Variants in SHISA9 observed in about 807,000 individuals in gnomAD.
The protein encoded by SHISA9 is shisa family member 9, also known as protein shisa-9.
SHISA9 carries 13 observed loss-of-function variants against 38.0 expected under a neutral mutation model. The ratio of observed to expected loss-of-function variants is 0.34; its 90% CI spans 0.22 to 0.54. The LOEUF (loss-of-function observed/expected upper bound fraction) is 0.54, where lower values mean the gene tolerates loss of function less well. Ranked by LOEUF, SHISA9 falls within the 20% of genes least tolerant of loss-of-function variation. SHISA9 has a pLI of 0.91. For synonymous variants in SHISA9, 275 were observed against 242.0 expected, an observed-to-expected ratio of 1.14 and a Z score of -1.27; for missense variants, 538 against 575.8, an observed-to-expected ratio of 0.93 and a Z score of 0.67.
At chr16:13,408,491 A>G in the SHISA9 span, among the ~76,000 whole-genome samples, 1 of 152,206 alleles carries the variant, frequency 6.6e-6, no homozygotes, top group African/African-American at 2.4e-5. Flanking sequence ...ATTTCTATAG[A>G]GAGAATAAAA....
chr16:13,529,263 G>T, the SHISA9 span, among the ~76,000 whole-genome samples: 1 of 152,160 alleles, frequency 6.6e-6, no homozygotes, highest in Non-Finnish European at 1.5e-5. Flanking sequence ...CACCCCAAAA[G>T]GTCAATCTGG....
At chr16:13,369,412 C>G in the SHISA9 span, among the ~76,000 whole-genome samples, 1 of 152,064 alleles carries the variant, frequency 6.6e-6, no homozygotes, top group African/African-American at 2.4e-5. Context: ...TTTGTCTGTT[C>G]ATAACATTTT....
the SHISA9 span, among the ~76,000 whole-genome samples, chr16:13,430,456 C>A: frequency 9.9e-5 from 15 of 152,194 alleles, no homozygotes; most frequent in Non-Finnish European, 1.5e-4. Flanking sequence ...ATAGGACACT[C>A]CACTGTAACA....
At chr16:13,166,591 T>A (rs1325947171) in intron 2 of SHISA9, among the ~76,000 whole-genome samples, 2 of 152,210 alleles carry the variant, frequency 1.3e-5, no homozygotes, top group East Asian at 1.9e-4. Flanking sequence ...ATCTACTGTG[T>A]TATCATTCTC....
chr16:13,248,786 A>G, the SHISA9 span, among the ~76,000 whole-genome samples: 1 of 152,140 alleles, frequency 6.6e-6, no homozygotes, highest in Non-Finnish European at 1.5e-5. Context: ...TGAGATAGGA[A>G]TTCATATGCA....
At chr16:13,033,924 T>C (rs1457386029) in intron 2 of SHISA9, among the ~76,000 whole-genome samples, 1 of 152,154 alleles carries the variant, frequency 6.6e-6, no homozygotes, top group African/African-American at 2.4e-5. Flanking sequence ...GGTGGGTGGA[T>C]CACCTGAGGC....
the SHISA9 span, among the ~76,000 whole-genome samples, chr16:13,424,309 G>A: frequency 2.0e-5 from 3 of 152,366 alleles, no homozygotes; most frequent in South Asian, 6.2e-4. Flanking sequence ...GCTCCTGAAT[G>A]TAATGACCTT....
At chr16:13,465,202 A>G in the SHISA9 span, among the ~76,000 whole-genome samples, 1 of 152,206 alleles carries the variant, frequency 6.6e-6, no homozygotes, top group African/African-American at 2.4e-5. Flanking sequence ...TCTACTTGTT[A>G]GATGCCAGCA....
chr16:13,371,684 C>T, the SHISA9 span, among the ~76,000 whole-genome samples: 1 of 152,248 alleles, frequency 6.6e-6, no homozygotes, highest in Admixed American at 6.5e-5. Flanking sequence ...CACCTGACAT[C>T]TGAATACTTA....
At chr16:13,473,412 G>A in the SHISA9 span, among the ~76,000 whole-genome samples, 26 of 117,662 alleles carry the variant, frequency 2.2e-4, no homozygotes, top group South Asian at 2.8e-3. Flanking sequence ...CCTAGTCCCT[G>A]TTAATCCATG....
chr16:13,097,306 C>A (rs1205981726), intron 2 of SHISA9, among the ~76,000 whole-genome samples: 1 of 152,140 alleles, frequency 6.6e-6, no homozygotes, highest in Non-Finnish European at 1.5e-5. Context: ...ACCCAGGACC[C>A]TTGACCCTTG....
chr16:13,147,304 C>T (rs2819698), intron 2 of SHISA9, among the ~76,000 whole-genome samples: 18,573 of 151,812 alleles, frequency 0.12, 1,334 homozygotes, highest in Non-Finnish European at 0.16. Flanking sequence ...GTGACTGGAG[C>T]GGGAAAGAGT....
chr16:13,098,423 A>G (rs2073847857), intron 2 of SHISA9, among the ~76,000 whole-genome samples: 1 of 152,272 alleles, frequency 6.6e-6, no homozygotes, highest in East Asian at 1.9e-4. Flanking sequence ...CCATATACCC[A>G]TTAAGATCCC....
chr16:13,054,961 T>C (rs1165528618), intron 2 of SHISA9, among the ~76,000 whole-genome samples: 1 of 152,222 alleles, frequency 6.6e-6, no homozygotes. Context: ...CTTATATGGC[T>C]CTTTCTTAGG....
chr16:13,240,836 C>T (rs2051429719), downstream of SHISA9, among the ~76,000 whole-genome samples: 1 of 152,034 alleles, frequency 6.6e-6, no homozygotes, highest in South Asian at 2.1e-4. Context: ...TCCTGTCTGG[C>T]CTCTGGTAGC....
chr16:13,062,085 C>T (rs2141911838), intron 2 of SHISA9, among the ~76,000 whole-genome samples: 1 of 152,228 alleles, frequency 6.6e-6, no homozygotes, highest in East Asian at 1.9e-4. Context: ...GCAGCTTGGG[C>T]TGCCAAATAA....
In SHISA9 at chr16:13,006,911, T is replaced by G. The variant is rs2072605140; in HGVS notation, c.691+90096T>G. Among the ~76,000 whole-genome samples the G allele has an allele frequency of 2.0e-5, 3 of 152,308 alleles. No individual in the cohort carries two copies. The South Asian group carries it at 6.2e-4, about 32-fold the overall frequency. ...ACCTCTCTGACCATTCAGCTCAGGC[T>G]ACTTCTCTCCAGCCTGTTTCTAACT... On this transcript the variant is annotated intron_variant, in intron 2 of 4. Coordinates refer to ENST00000558583, the MANE Select transcript of SHISA9 (RefSeq NM_001145204.3).
chr16:13,417,067 C>T, the SHISA9 span, among the ~76,000 whole-genome samples: 1 of 152,200 alleles, frequency 6.6e-6, no homozygotes, highest in African/African-American at 2.4e-5. Flanking sequence ...CAGAAAATCA[C>T]AAGGGCTATA....
the SHISA9 span, among the ~76,000 whole-genome samples, chr16:13,407,599 C>T: frequency 6.6e-6 from 1 of 152,194 alleles, no homozygotes; most frequent in East Asian, 1.9e-4. Context: ...TCTTTTTTGA[C>T]AGTAGAGTGT....
Sources: gnomAD v4.1 joint callset for allele counts (sites outside exome capture counted in the v4.1 genomes callset) on GRCh38, gnomAD v4.1.1 for gene constraint, MANE v1.5 for transcripts, NCBI Gene and HGNC (gene_info 2026-07-23, HGNC 2026-07-21) for gene names.